Variants in MBNL2 observed in about 807,000 individuals in gnomAD.
MBNL2 encodes the protein muscleblind-like protein 2.
In MBNL2, 17 loss-of-function variants were observed where a neutral mutation model predicts 41.9. The observed-to-expected ratio is 0.41, with a 90% CI of 0.28 to 0.61. The LOEUF is 0.61. Among genes scored for constraint, MBNL2 ranks in the 20% least tolerant of loss-of-function variants. The pLI, the probability that MBNL2 is intolerant of heterozygous loss-of-function variation, is 0.35. For synonymous variants in MBNL2, 195 were observed against 182.9 expected, an observed-to-expected ratio of 1.07 and a Z score of -0.53; for missense variants, 336 against 505.6, an observed-to-expected ratio of 0.66 and a Z score of 3.22.
chr13:97,225,575 A>G (rs1429733464), intron 1 of MBNL2, among the ~76,000 whole-genome samples: 1 of 152,040 alleles, frequency 6.6e-6, no homozygotes, highest in African/African-American at 2.4e-5. Context: ...GAAACCTGGC[A>G]ACTCTAGGGG....
chr13:97,317,611 A>G (rs1325584273), intron 2 of MBNL2, among the ~76,000 whole-genome samples: 4 of 152,222 alleles, frequency 2.6e-5, no homozygotes, highest in Non-Finnish European at 5.9e-5. Context: ...TCATTTGCAG[A>G]TTCTGAAAGC....
chr13:97,237,376 G>T (rs188186993), intron 1 of MBNL2, among the ~76,000 whole-genome samples: 2 of 152,308 alleles, frequency 1.3e-5, no homozygotes, highest in East Asian at 1.9e-4. Flanking sequence ...AGAAAAGTTT[G>T]CAGGAAAAAG....
chr13:97,326,290 T>G (rs767649803), intron 2 of MBNL2, among the ~76,000 whole-genome samples: 47 of 152,196 alleles, frequency 3.1e-4, no homozygotes, highest in Non-Finnish European at 2.8e-4. Flanking sequence ...ACTATTTGTG[T>G]TTTTCCCTCA....
intron 1 of MBNL2, among the ~76,000 whole-genome samples, chr13:97,229,891 A>G (rs1175040416): frequency 1.3e-5 from 2 of 152,230 alleles, no homozygotes; most frequent in Non-Finnish European, 1.5e-5. Flanking sequence ...AACTTTCACA[A>G]TATTCCAGGT....
chr13:97,303,460 G>C (rs533148423), intron 2 of MBNL2, among the ~76,000 whole-genome samples: 1 of 152,332 alleles, frequency 6.6e-6, no homozygotes, highest in South Asian at 2.1e-4. Flanking sequence ...GCCAGGGTCA[G>C]AGACAATCAA....
the MBNL2 span, among the ~76,000 whole-genome samples, chr13:97,144,974 A>G: frequency 1.3e-5 from 2 of 152,232 alleles, no homozygotes; most frequent in African/African-American, 2.4e-5. Context: ...TTACAGGCAC[A>G]TGGTAGCATT....
intron 3 of MBNL2, among the ~76,000 whole-genome samples, chr13:97,339,237 T>C (rs565411830): frequency 1.3e-5 from 2 of 152,058 alleles, no homozygotes; most frequent in Admixed American, 6.6e-5. Context: ...TGTGAATGTG[T>C]ATGAGTATGT....
At chr13:97,336,746 T>C (rs994019098) in intron 3 of MBNL2, among the ~76,000 whole-genome samples, 4 of 152,186 alleles carry the variant, frequency 2.6e-5, no homozygotes, top group Admixed American at 6.5e-5. Flanking sequence ...AAGGGATAAA[T>C]GTGTGTTATT....
intron 1 of MBNL2, among the ~76,000 whole-genome samples, chr13:97,274,631 G>C (rs2051797119): frequency 6.6e-6 from 1 of 152,128 alleles, no homozygotes; most frequent in African/African-American, 2.4e-5. Flanking sequence ...AAGACATCAA[G>C]GCTCAGCAGG....
intron 8 of MBNL2, among the ~76,000 whole-genome samples, chr13:97,373,354 G>C (rs935671055): frequency 4.6e-5 from 7 of 151,940 alleles, no homozygotes; most frequent in African/African-American, 1.7e-4. Context: ...GGTTACTTCA[G>C]ATGAGGGAGA....
intron 5 of MBNL2, among the ~76,000 whole-genome samples, chr13:97,351,976 G>T (rs2062516666): frequency 6.6e-6 from 1 of 151,828 alleles, no homozygotes; most frequent in Non-Finnish European, 1.5e-5. Context: ...GTAAACTGAG[G>T]TCATGCCACT....
At chr13:97,225,001 T>A (rs1373968699) in intron 1 of MBNL2, among the ~76,000 whole-genome samples, 3 of 152,182 alleles carry the variant, frequency 2.0e-5, no homozygotes, top group Non-Finnish European at 4.4e-5. Context: ...GAAAGTGGAG[T>A]AAATAAGAGA....
chr13:97,282,394 A>G (rs2053611530), intron 2 of MBNL2, among the ~76,000 whole-genome samples: 2 of 152,170 alleles, frequency 1.3e-5, no homozygotes, highest in African/African-American at 4.8e-5. Flanking sequence ...TGTAAAATAG[A>G]AGCTCCCAGG....
chr13:97,183,898 A>T, the MBNL2 span, among the ~76,000 whole-genome samples: 132 of 152,370 alleles, frequency 8.7e-4, no homozygotes, highest in African/African-American at 3.0e-3. Context: ...CTGTACAGGA[A>T]TGAGACATTT....
At chr13:97,288,244 C>A (rs1049123868) in intron 2 of MBNL2, among the ~76,000 whole-genome samples, 1 of 152,070 alleles carries the variant, frequency 6.6e-6, no homozygotes, top group African/African-American at 2.4e-5. Context: ...ATCTATCTGT[C>A]CATACTACTT....
chr13:97,148,320 GC>G, the MBNL2 span, among the ~76,000 whole-genome samples: 10,144 of 151,982 alleles, frequency 0.067, 539 homozygotes, highest in African/African-American at 0.15. Flanking sequence ...CTGTTAGAGT[GC>G]TTTTCTTTTT....
chr13:97,377,473 C>G (rs2065064110), intron 8 of MBNL2, among the ~76,000 whole-genome samples: 1 of 152,112 alleles, frequency 6.6e-6, no homozygotes, highest in Non-Finnish European at 1.5e-5. Context: ...AAATTTGCTT[C>G]CTCCCTACAA....
At chr13:97,163,289 A>G in the MBNL2 span, among the ~76,000 whole-genome samples, 59 of 152,312 alleles carry the variant, frequency 3.9e-4, no homozygotes, top group African/African-American at 1.3e-3. Context: ...CATGTATTCA[A>G]ACTTGTAAAC....
the MBNL2 span, among the ~76,000 whole-genome samples, chr13:97,207,651 C>CAA: frequency 6.6e-6 from 1 of 152,188 alleles, no homozygotes; most frequent in African/African-American, 2.4e-5. Context: ...GGAACAGAGC[C>CAA]AAACCATATA....
Sources: allele counts gnomAD v4.1 joint callset (sites outside exome capture counted in the v4.1 genomes callset), GRCh38; gene constraint gnomAD v4.1.1; transcripts MANE v1.5; gene names NCBI Gene and HGNC (gene_info 2026-07-23, HGNC 2026-07-21).